Variants in NREP observed in about 807,000 individuals in gnomAD.
NREP encodes neuronal regeneration-related protein.
Under a neutral mutation model 8.6 loss-of-function variants are expected in NREP, and 5 were observed. That is an observed-to-expected ratio of 0.58 (90% confidence interval 0.30 to 1.22). NREP has a LOEUF of 1.22. NREP is among the 50% of genes most tolerant of loss of function. The probability of loss-of-function intolerance (pLI) is 0.07; values close to 1 mark genes in which losing one functional copy is unlikely to be tolerated. For synonymous variants in NREP, 27 were observed against 28.0 expected (o/e 0.96, Z 0.11); for missense variants, 86 against 82.5 (o/e 1.04, Z -0.17).
At position 111,745,362 on chromosome 5, in the gene NREP, AT is replaced by A. The variant is rs1749935821; in HGVS notation, c.4-9856del. 2.0e-5 allele frequency among the ~76,000 whole-genome samples: 3 copies of A among 152,220 alleles called. No homozygotes were observed. The South Asian group carries it at 6.2e-4, about 31-fold the overall frequency. ...AGAGTAACAACTTTGGCTTGGCCAC[AT>A]TAAGACTTTGGATCTAATTAAACCC... On this transcript the variant is annotated intron_variant, in intron 2 of 3. Transcript: ENST00000257435.
At chr5:111,741,816 C>CACACACGT (rs1554095234) in intron 2 of NREP, among the ~76,000 whole-genome samples, 1 of 91,842 alleles carries the variant, frequency 1.1e-5, no homozygotes, top group Non-Finnish European at 2.2e-5. Flanking sequence ...CTAATTTAAA[C>CACACACGT]ACACACATAC....
intron 2 of NREP, among the ~76,000 whole-genome samples, chr5:111,882,451 G>C (rs536438035): frequency 1.3e-5 from 2 of 152,096 alleles, no homozygotes. Flanking sequence ...CAAGGCAGGC[G>C]ACCATTTGGA....
intron 2 of NREP, among the ~76,000 whole-genome samples, chr5:111,972,759 AG>A (rs992811121): frequency 4.6e-5 from 7 of 152,098 alleles, no homozygotes; most frequent in African/African-American, 1.7e-4. Context: ...TCACCCCACT[AG>A]GGGAGCCAAG....
At chr5:111,817,040 T>C (rs1581138578) in intron 2 of NREP, among the ~76,000 whole-genome samples, 2 of 152,164 alleles carry the variant, frequency 1.3e-5, no homozygotes, top group East Asian at 3.8e-4. Context: ...TGATGTGCTT[T>C]TTAATAATAT....
chr5:111,962,117 T>C (rs913820201), intron 2 of NREP, among the ~76,000 whole-genome samples: 1 of 152,202 alleles, frequency 6.6e-6, no homozygotes, highest in Non-Finnish European at 1.5e-5. Flanking sequence ...AGTTCAGTGC[T>C]GTAAATAGTT....
intron 2 of NREP, among the ~76,000 whole-genome samples, chr5:111,845,211 T>C (rs1753131122): frequency 6.6e-6 from 1 of 152,052 alleles, no homozygotes. Flanking sequence ...CATACTGCAC[T>C]GTGTGGGCTT....
chr5:111,899,836 G>C (rs1387536711), intron 2 of NREP, among the ~76,000 whole-genome samples: 1 of 152,166 alleles, frequency 6.6e-6, no homozygotes, highest in Non-Finnish European at 1.5e-5. Flanking sequence ...TTAGACTGAA[G>C]AGAGATTTGC....
intron 2 of NREP, among the ~76,000 whole-genome samples, chr5:111,972,489 A>G (rs147748210): frequency 8.5e-5 from 13 of 152,324 alleles, no homozygotes; most frequent in African/African-American, 3.1e-4. Flanking sequence ...TGCAATGTCC[A>G]TTCATATGAT....
chr5:111,755,969 G>C, intron 1 of NREP, 139 bp from the exon 2 acceptor site: 1 of 1,441,296 alleles, frequency 6.9e-7, no homozygotes, highest in Non-Finnish European at 9.1e-7. Context: ...GTTAACTACT[G>C]GGATTTCTGA....
chr5:111,798,400 G>A (rs894049813), intron 2 of NREP, among the ~76,000 whole-genome samples: 45 of 151,940 alleles, frequency 3.0e-4, no homozygotes, highest in Non-Finnish European at 7.4e-5. Context: ...GGTGTTTGGG[G>A]AACAGGTGGT....
intron 2 of NREP, among the ~76,000 whole-genome samples, chr5:111,786,438 T>A (rs1219959511): frequency 6.6e-6 from 1 of 152,220 alleles, no homozygotes; most frequent in East Asian, 1.9e-4. Context: ...CAGTGCCTAG[T>A]TCTGTCTCTC....
intron 2 of NREP, among the ~76,000 whole-genome samples, chr5:111,915,996 T>C (rs556464518): frequency 8.3e-4 from 126 of 152,198 alleles, no homozygotes; most frequent in African/African-American, 3.0e-3. Context: ...GTTTAGGGCA[T>C]CTGCTCTATG....
At chr5:111,796,503 A>G (rs1014038700) in intron 2 of NREP, among the ~76,000 whole-genome samples, 6 of 152,226 alleles carry the variant, frequency 3.9e-5, no homozygotes, top group African/African-American at 1.4e-4. Flanking sequence ...TAAGCCGAGA[A>G]GGCAGAATTA....
intron 1 of NREP, among the ~76,000 whole-genome samples, chr5:111,756,902 T>C (rs1357962006): frequency 6.6e-6 from 1 of 152,128 alleles, no homozygotes; most frequent in Non-Finnish European, 1.5e-5. Context: ...AAGAATTCAT[T>C]TCTCCCTCCG....
intron 2 of NREP, among the ~76,000 whole-genome samples, chr5:111,849,629 T>C (rs1753261643): frequency 6.6e-6 from 1 of 152,114 alleles, no homozygotes; most frequent in South Asian, 2.1e-4. Context: ...TTCAGGGATA[T>C]TTTTTGAATT....
intron 2 of NREP, among the ~76,000 whole-genome samples, chr5:111,822,440 G>C (rs1466358939): frequency 6.6e-6 from 1 of 152,178 alleles, no homozygotes; most frequent in Non-Finnish European, 1.5e-5. Context: ...CAAAAGAGGA[G>C]AGACCTCGGT....
At chr5:111,823,758 G>A (rs1209915202) in intron 2 of NREP, among the ~76,000 whole-genome samples, 1 of 152,136 alleles carries the variant, frequency 6.6e-6, no homozygotes, top group Non-Finnish European at 1.5e-5. Context: ...CCTGGCAGAA[G>A]TCCAGAGTAA....
chr5:111,925,432 C>A (rs1257504533), intron 2 of NREP, among the ~76,000 whole-genome samples: 2 of 152,134 alleles, frequency 1.3e-5, no homozygotes, highest in African/African-American at 4.8e-5. Flanking sequence ...CTAAAGCAGC[C>A]ATCAGAGATT....
chr5:111,964,855 C>CAAAAAAAAAAAAAAAAAAAAAAAAAA (rs58877839), intron 2 of NREP, among the ~76,000 whole-genome samples: 8 of 44,892 alleles, frequency 1.8e-4, no homozygotes, highest in Admixed American at 3.6e-4. Context: ...CTTTCAGCAG[C>CAAAAAAAAAAAAAAAAAAAAAAAAAA]AAAAAAAAAA....
Sources: allele counts gnomAD v4.1 joint callset (sites outside exome capture counted in the v4.1 genomes callset), GRCh38; gene constraint gnomAD v4.1.1; transcripts MANE v1.5; gene names NCBI Gene and HGNC (gene_info 2026-07-23, HGNC 2026-07-21).